The following ELMOD3 variants were observed in gnomAD, a reference collection of about 807,000 sequenced individuals.
ELMOD3 encodes ELMO domain containing 3.
ELMOD3 carries 36 observed loss-of-function variants against 47.4 expected under a neutral mutation model. The ratio of observed to expected loss-of-function variants is 0.76; its 90% CI spans 0.58 to 1.00. The LOEUF is 1.00. Ranked by LOEUF, ELMOD3 falls within the 50% of genes least tolerant of loss-of-function variation. The pLI is 0.00. For missense variants in ELMOD3, 404 were observed against 463.8 expected, an observed-to-expected ratio of 0.87 and a Z score of 1.18; for synonymous variants, 149 against 183.5, an observed-to-expected ratio of 0.81 and a Z score of 1.52.
Position 85,357,155 on chromosome 2 carries a change from C to G in ELMOD3, c.-44C>G. 6.8e-7 allele frequency: 1 copy of G among 1,474,380 alleles called. No homozygotes were observed. The highest frequency in any genetic ancestry group is 9.4e-7 in the Non-Finnish European group (1 of 1,066,664). The allele number at this position is 1,474,380 out of a possible 1,614,324, so 91.3% of individuals were successfully genotyped here. A position where few individuals can be genotyped will look rare whatever the true frequency, so the allele number is the denominator to read the frequency against. On this transcript the variant is annotated 5_prime_UTR_variant, in exon 4 of 14. Transcript: ENST00000409013. ...ATCTCAGACCTTACTAAAATGCTTTCTGGGCCCAAGGACAAAGCTCACATG... is the reference window on the plus strand; with the variant it reads ...ATCTCAGACCTTACTAAAATGCTTTGTGGGCCCAAGGACAAAGCTCACATG...
At chr2:85,364,826 T>TATATATATATATA (rs1553417118) in intron 6 of ELMOD3, among the ~76,000 whole-genome samples, 25 of 54,740 alleles carry the variant, frequency 4.6e-4, no homozygotes, top group East Asian at 1.1e-3. Context: ...TATATATATA[T>TATATATATATATA]TTTTTTTTTT....
intron 5 of ELMOD3, among the ~76,000 whole-genome samples, chr2:85,362,483 G>A (rs974005896): frequency 1.4e-5 from 2 of 146,960 alleles, no homozygotes; most frequent in South Asian, 2.2e-4. Flanking sequence ...GCTATAAAAC[G>A]CAGAGAGAAT....
intron 11 of ELMOD3, among the ~76,000 whole-genome samples, chr2:85,379,292 C>T (rs565170309): frequency 1.3e-5 from 2 of 152,226 alleles, no homozygotes; most frequent in Non-Finnish European, 2.9e-5. Flanking sequence ...CTGCAGCCTT[C>T]GCCTCCCAGG....
At chr2:85,382,236 A>C (rs1008611175) in intron 11 of ELMOD3, among the ~76,000 whole-genome samples, 1 of 151,318 alleles carries the variant, frequency 6.6e-6, no homozygotes, top group African/African-American at 2.4e-5. Context: ...TCAGGAGGTC[A>C]AGACCATCCT....
intron 10 of ELMOD3, among the ~76,000 whole-genome samples, chr2:85,373,186 C>T (rs370130768): frequency 5.3e-5 from 8 of 149,882 alleles, no homozygotes; most frequent in Middle Eastern, 3.6e-3. Flanking sequence ...ACCCAGGAGG[C>T]GGAGGATGAA....
At chr2:85,386,964 T>A (rs1477940058) in intron 11 of ELMOD3, 18 of 1,093,098 alleles carry the variant, frequency 1.6e-5, no homozygotes, top group Non-Finnish European at 2.0e-5. Flanking sequence ...ATCGTGCCAT[T>A]GCACTCCAGC....
chr2:85,374,211 AT>A (rs1382731095), intron 10 of ELMOD3, among the ~76,000 whole-genome samples: 2 of 151,458 alleles, frequency 1.3e-5, no homozygotes, highest in Non-Finnish European at 2.9e-5. Flanking sequence ...CTTTCAAAAT[AT>A]TTTTTGTGCC....
At chr2:85,364,825 ATTTTTTT>A (rs869054374) in intron 6 of ELMOD3, among the ~76,000 whole-genome samples, 11 of 69,888 alleles carry the variant, frequency 1.6e-4, no homozygotes, top group East Asian at 6.6e-4. Flanking sequence ...ATATATATAT[ATTTTTTT>A]TTTTTTTTTT....
At chr2:85,372,507 T>G (rs550924639) in intron 10 of ELMOD3, 1 of 152,348 alleles carries the variant, frequency 6.6e-6, no homozygotes, top group Non-Finnish European at 1.5e-5. Flanking sequence ...TAAAAAATAT[T>G]TATGAAAATT....
rs960643028 is a variant in ELMOD3, at chr2:85,384,806, C to T, written c.739-4945C>T. 2.3e-4 allele frequency among the ~76,000 whole-genome samples: 35 copies of T among 152,102 alleles called. 1 individual carries two copies. The highest frequency in any genetic ancestry group is 8.2e-4 in the African/African-American group (34 of 41,402). ...ACAAATTTGACCTGTTTCCTGCCAT[C>T]TGTCTATCCCATATTCATGGGACCT... On this transcript the variant is annotated intron_variant, in intron 11 of 13. Coordinates refer to ENST00000409013, the MANE Select transcript of ELMOD3 (RefSeq NM_001135022.2).
intron 10 of ELMOD3, among the ~76,000 whole-genome samples, chr2:85,375,463 G>A (rs1685106282): frequency 1.3e-5 from 2 of 152,022 alleles, no homozygotes; most frequent in South Asian, 2.1e-4. Context: ...TGTTGTCTCC[G>A]TTCTCCTGTT....
At chr2:85,377,802 CA>C (rs1305153398) in intron 11 of ELMOD3, among the ~76,000 whole-genome samples, 14 of 152,154 alleles carry the variant, frequency 9.2e-5, no homozygotes, top group Non-Finnish European at 1.8e-4. Context: ...AGAAAGGGTA[CA>C]CTCACTAGCA....
At chr2:85,360,137 A>G (rs1006466136) in intron 4 of ELMOD3, among the ~76,000 whole-genome samples, 2 of 152,004 alleles carry the variant, frequency 1.3e-5, no homozygotes, top group East Asian at 2.0e-4. Flanking sequence ...GTGGTGGCGC[A>G]TGCCTGTAAT....
Position 85,365,542 on chromosome 2 carries a change from G to C in ELMOD3, c.199+2376G>C, listed in dbSNP as rs76228666. ...TAATTATCCTGACTATTTGTCCTTT[G>C]CCCCCGTGTTCTTCTGTTGGTCAGG... On this transcript the variant is annotated intron_variant, in intron 6 of 13. Transcript: ENST00000409013. Among the ~76,000 whole-genome samples the C allele has an allele frequency of 4.5e-3, 679 of 152,200 alleles. 4 individuals are homozygous for C. Among genetic ancestry groups the C allele is most frequent in the African/African-American group, 0.016 (659 of 41,514 alleles).
In ELMOD3 at chr2:85,373,759, A is replaced by G. The variant is rs1054209478; in HGVS notation, c.607+2197A>G. Among the ~76,000 whole-genome samples the G allele has an allele frequency of 2.6e-5, 4 of 151,742 alleles. No homozygotes were observed. The South Asian group carries it at 6.3e-4, about 24-fold the overall frequency. ...GAGGCTGAGGCAGGAGAATTGCTTG[A>G]ACCCAGGACGTGGAGGTTGCAGTGA... On this transcript the variant is annotated intron_variant, in intron 10 of 13. Coordinates refer to ENST00000409013, the MANE Select transcript of ELMOD3 (RefSeq NM_001135022.2).
intron 4 of ELMOD3, 189 bp downstream of exon 4, chr2:85,357,441 G>A (rs1026257192): frequency 4.8e-6 from 2 of 417,696 alleles, no homozygotes. Context: ...TTTTGTAAGT[G>A]AGTTATGAGA....
chr2:85,369,621 C>T (rs1684643741), intron 7 of ELMOD3, 118 bp from the exon 8 acceptor site: 3 of 1,018,078 alleles, frequency 2.9e-6, no homozygotes, highest in Non-Finnish European at 1.5e-6. Context: ...CTGTAAGTGT[C>T]TGATGTTCAA....
At chr2:85,366,642 A>C (rs886687883) in intron 6 of ELMOD3, among the ~76,000 whole-genome samples, 1 of 152,260 alleles carries the variant, frequency 6.6e-6, no homozygotes, top group Non-Finnish European at 1.5e-5. Context: ...GAAGACATAC[A>C]GCTAGTAAGA....
intron 10 of ELMOD3, chr2:85,372,491 CCT>C (rs1425005963): frequency 6.6e-6 from 1 of 152,018 alleles, no homozygotes; most frequent in Non-Finnish European, 1.5e-5. Context: ...TGGGTTTTTT[CCT>C]CTCTAAAAAA....
Sources: allele counts gnomAD v4.1 joint callset (sites outside exome capture counted in the v4.1 genomes callset), GRCh38; gene constraint gnomAD v4.1.1; transcripts MANE v1.5; gene names NCBI Gene and HGNC (gene_info 2026-07-23, HGNC 2026-07-21).